The following GABBR2 variants were observed in gnomAD, a reference collection of about 807,000 sequenced individuals.
GABBR2 encodes gamma-aminobutyric acid type B receptor subunit 2.
Under a neutral mutation model 105.6 loss-of-function variants are expected in GABBR2, and 23 were observed. The ratio of observed to expected loss-of-function variants is 0.22; its 90% CI spans 0.16 to 0.31. GABBR2 has a LOEUF of 0.31. GABBR2 is among the 10% of genes least tolerant of loss of function. The pLI is 1.00. For synonymous variants in GABBR2, 478 were observed against 499.7 expected (o/e 0.96, Z 0.58); for missense variants, 734 against 1,245.5 (o/e 0.59, Z 6.18).
chr9:98,506,918 C>A (rs146080255), intron 3 of GABBR2, among the ~76,000 whole-genome samples: 8 of 152,268 alleles, frequency 5.3e-5, no homozygotes, highest in African/African-American at 1.4e-4. Context: ...TGAAAGTCCT[C>A]CAGAGGGAGG....
intron 3 of GABBR2, among the ~76,000 whole-genome samples, chr9:98,514,259 T>G (rs1827713124): frequency 7.8e-6 from 1 of 128,942 alleles, no homozygotes; most frequent in African/African-American, 2.7e-5. Flanking sequence ...TGTTGTGGGG[T>G]AGGGGGAGGG....
chr9:98,526,715 A>G (rs1282932278), intron 3 of GABBR2, among the ~76,000 whole-genome samples: 1 of 152,218 alleles, frequency 6.6e-6, no homozygotes, highest in Non-Finnish European at 1.5e-5. Context: ...GGCACTCAAT[A>G]CATATGTCTT....
intron 2 of GABBR2, among the ~76,000 whole-genome samples, chr9:98,571,386 A>G (rs1828827404): frequency 1.3e-5 from 2 of 152,234 alleles, no homozygotes; most frequent in East Asian, 1.9e-4. Flanking sequence ...GGGCAGCATC[A>G]GTTGGAGTTT....
intron 1 of GABBR2, among the ~76,000 whole-genome samples, chr9:98,703,338 C>A (rs930739052): frequency 6.6e-6 from 1 of 152,160 alleles, no homozygotes; most frequent in Non-Finnish European, 1.5e-5. Context: ...GTTATATGAA[C>A]CTGTTAAAGT....
chr9:98,468,631 C>A (rs1292807624), intron 6 of GABBR2, among the ~76,000 whole-genome samples: 1 of 152,138 alleles, frequency 6.6e-6, no homozygotes, highest in Non-Finnish European at 1.5e-5. Flanking sequence ...AACATCATAA[C>A]CATGTCACAG....
chr9:98,315,088 T>A (rs1830692951), intron 13 of GABBR2, among the ~76,000 whole-genome samples: 5 of 152,186 alleles, frequency 3.3e-5, no homozygotes, highest in African/African-American at 1.2e-4. Flanking sequence ...TACCTTTACC[T>A]TTCTCTTAGC....
At chr9:98,371,416 T>C in intron 12 of GABBR2, 48 bp downstream of exon 12, 1 of 994,292 alleles carries the variant, frequency 1.0e-6, no homozygotes, top group Non-Finnish European at 1.6e-6. Flanking sequence ...GCTAGATAAA[T>C]GCTGGGTGAA....
At chr9:98,545,324 C>T (rs73490405) in intron 2 of GABBR2, among the ~76,000 whole-genome samples, 23,470 of 152,196 alleles carry the variant, frequency 0.15, 2,068 homozygotes, top group Non-Finnish European at 0.2. Context: ...TTTTCTGCAC[C>T]ATTTGAGATA....
intron 1 of GABBR2, among the ~76,000 whole-genome samples, chr9:98,697,217 C>T (rs975289154): frequency 3.3e-5 from 5 of 152,202 alleles, no homozygotes; most frequent in Middle Eastern, 3.4e-3. Flanking sequence ...GACCGCCGGG[C>T]GCGGTGGCTT....
chr9:98,673,200 C>T (rs1033938780), intron 1 of GABBR2, among the ~76,000 whole-genome samples: 1 of 152,116 alleles, frequency 6.6e-6, no homozygotes, highest in Non-Finnish European at 1.5e-5. Context: ...GGAAGATGTG[C>T]ATCTTAGAAT....
intron 16 of GABBR2, among the ~76,000 whole-genome samples, chr9:98,301,367 C>T (rs112293525): frequency 2.0e-5 from 3 of 152,218 alleles, no homozygotes; most frequent in Admixed American, 6.5e-5. Context: ...AAACCCCACA[C>T]ACATTTGGTC....
At chr9:98,342,574 A>G (rs1831232138) in intron 13 of GABBR2, among the ~76,000 whole-genome samples, 2 of 152,176 alleles carry the variant, frequency 1.3e-5, no homozygotes, top group South Asian at 4.1e-4. Context: ...GGACCAACCA[A>G]CGGCCCCTGT....
intron 13 of GABBR2, among the ~76,000 whole-genome samples, chr9:98,332,226 C>T (rs1831040090): frequency 6.6e-6 from 1 of 152,164 alleles, no homozygotes; most frequent in African/African-American, 2.4e-5. Context: ...GAGTGGATGG[C>T]CATGGAAGTG....
chr9:98,311,161 C>T lies in GABBR2; in HGVS notation c.1938G>A (p.Glu646=), dbSNP rs79484588. The T allele has an allele frequency of 6.7e-4, 1,087 of 1,613,920 alleles. 10 individuals are homozygous for T. The Middle Eastern group carries it at 8.4e-3, about 12-fold the overall frequency. Residue 646 remains glutamate (E), a synonymous_variant, in exon 14 of 19, where the codon GAG becomes GAA. Coordinates refer to ENST00000259455, the MANE Select transcript of GABBR2 (RefSeq NM_005458.8). ...TGGTCATATGGGTGTTCTCACAGTG[C>T]TCCAGGAGAGGGCGGATGGAGATAT... is the stretch of plus-strand genomic sequence containing the variant. ...GRDISIRPLL[E]HCENTHMTIW...
chr9:98,470,590 C>A (rs1219439735), intron 6 of GABBR2, among the ~76,000 whole-genome samples: 1 of 152,034 alleles, frequency 6.6e-6, no homozygotes, highest in East Asian at 1.9e-4. Flanking sequence ...CAGAGCTAAA[C>A]CCTATCAGTA....
At chr9:98,641,792 T>G (rs1243243851) in intron 1 of GABBR2, among the ~76,000 whole-genome samples, 1 of 152,142 alleles carries the variant, frequency 6.6e-6, no homozygotes, top group South Asian at 2.1e-4. Context: ...ACCAAATTAT[T>G]AATAGCATCT....
intron 13 of GABBR2, among the ~76,000 whole-genome samples, chr9:98,335,414 C>T (rs1204626759): frequency 2.0e-5 from 3 of 152,094 alleles, no homozygotes; most frequent in Non-Finnish European, 2.9e-5. Context: ...TATTTATCAC[C>T]CTGGTATCCA....
In GABBR2 at chr9:98,617,807, C is replaced by G. The variant is rs532476171; in HGVS notation, c.322-39735G>C. Among the ~76,000 whole-genome samples the G allele has an allele frequency of 5.3e-5, 8 of 152,320 alleles. No individual in the cohort carries two copies. In the East Asian group the frequency reaches 9.6e-4, roughly 18 times the overall value. Reference sequence around the variant, plus strand: ...AGACAAGTTCACTGTGGAGTCAGAACAAGACCACAGGCAGTGATGGAAGAA... The same window carrying G: ...AGACAAGTTCACTGTGGAGTCAGAAGAAGACCACAGGCAGTGATGGAAGAA... On this transcript the variant is annotated intron_variant, in intron 1 of 18. Transcript: ENST00000259455.
At chr9:98,582,293 T>C (rs1405362577) in intron 1 of GABBR2, among the ~76,000 whole-genome samples, 1 of 152,178 alleles carries the variant, frequency 6.6e-6, no homozygotes, top group Non-Finnish European at 1.5e-5. Flanking sequence ...TGATATGCCA[T>C]TGTTGGTTTG....
Sources: gnomAD v4.1 joint callset for allele counts (sites outside exome capture counted in the v4.1 genomes callset) on GRCh38, gnomAD v4.1.1 for gene constraint, MANE v1.5 for transcripts, NCBI Gene and HGNC (gene_info 2026-07-23, HGNC 2026-07-21) for gene names.